CEP112: variants seen among roughly 807,000 people sequenced by gnomAD.
The protein encoded by CEP112 is centrosomal protein of 112 kDa.
Under a neutral mutation model 153.0 loss-of-function variants are expected in CEP112, and 127 were observed. The observed-to-expected ratio is 0.83, with a 90% CI of 0.72 to 0.96. CEP112 has a LOEUF of 0.96. Ranked by LOEUF, CEP112 falls within the 40% of genes least tolerant of loss-of-function variation. The pLI, the probability that CEP112 is intolerant of heterozygous loss-of-function variation, is 0.00. For missense variants in CEP112, 1,089 were observed against 1,101.2 expected (o/e 0.99, Z 0.16); for synonymous variants, 358 against 374.4 (o/e 0.96, Z 0.51).
intron 6 of CEP112, among the ~76,000 whole-genome samples, chr17:66,126,712 C>T (rs959234959): frequency 3.3e-5 from 5 of 152,004 alleles, no homozygotes; most frequent in African/African-American, 1.2e-4. Flanking sequence ...ATAAAGAATA[C>T]ATTTGGGAAT....
chr17:66,068,859 A>G (rs999618541), intron 9 of CEP112, among the ~76,000 whole-genome samples: 2 of 152,054 alleles, frequency 1.3e-5, no homozygotes, highest in Non-Finnish European at 2.9e-5. Flanking sequence ...TGTTATATTG[A>G]AATTATATTA....
chr17:65,871,006 C>T lies in CEP112; in HGVS notation c.2164-18972G>A, dbSNP rs73344884. On this transcript the variant is annotated intron_variant, in intron 20 of 26. Transcript: ENST00000535342. ...CTGTATTAGCTGCTCAACCCAAACA[C>T]GATACACACTAAGGTTGCAACCACC... Among the ~76,000 whole-genome samples the T allele has an allele frequency of 4.3e-3, 652 of 152,310 alleles. 3 individuals are homozygous for T. Among genetic ancestry groups the T allele is most frequent in the Middle Eastern group, 0.02 (6 of 294 alleles).
chr17:66,088,579 C>T (rs2068025855), intron 8 of CEP112, among the ~76,000 whole-genome samples: 1 of 152,122 alleles, frequency 6.6e-6, no homozygotes, highest in Non-Finnish European at 1.5e-5. Context: ...CCAGGTCAGC[C>T]AACACAACCC....
chr17:65,838,751 C>A (rs1228970884), intron 21 of CEP112, among the ~76,000 whole-genome samples: 1 of 151,666 alleles, frequency 6.6e-6, no homozygotes, highest in Non-Finnish European at 1.5e-5. Flanking sequence ...AAACCTTTAG[C>A]TAGACTAAAT....
At chr17:65,881,423 T>C (rs1313129151) in intron 20 of CEP112, among the ~76,000 whole-genome samples, 1 of 152,102 alleles carries the variant, frequency 6.6e-6, no homozygotes, top group East Asian at 1.9e-4. Flanking sequence ...TGTGTGTGTA[T>C]GCACATACAC....
chr17:65,690,580 G>A (rs979647514), intron 23 of CEP112, among the ~76,000 whole-genome samples: 1 of 152,118 alleles, frequency 6.6e-6, no homozygotes, highest in Non-Finnish European at 1.5e-5. Context: ...AGTGGTGTGA[G>A]GAAGAGGGGA....
chr17:65,749,302 T>C (rs919174856), intron 22 of CEP112, among the ~76,000 whole-genome samples: 3 of 151,374 alleles, frequency 2.0e-5, no homozygotes, highest in Non-Finnish European at 4.4e-5. Flanking sequence ...AGGTCAGGAG[T>C]TCAAGACCAG....
chr17:65,645,578 A>G (rs1191400994), intron 24 of CEP112, among the ~76,000 whole-genome samples: 1 of 152,198 alleles, frequency 6.6e-6, no homozygotes, highest in Non-Finnish European at 1.5e-5. Flanking sequence ...GTTGACTTAT[A>G]TCATCTTTAG....
intron 21 of CEP112, among the ~76,000 whole-genome samples, chr17:65,766,957 A>T (rs573756522): frequency 6.7e-6 from 1 of 149,706 alleles, no homozygotes; most frequent in South Asian, 2.2e-4. Context: ...AATAGTGGGG[A>T]CTTCAATATC....
At chr17:65,817,356 G>T (rs1049947789) in intron 21 of CEP112, among the ~76,000 whole-genome samples, 1 of 151,764 alleles carries the variant, frequency 6.6e-6, no homozygotes, top group Non-Finnish European at 1.5e-5. Flanking sequence ...TTCAAAACAG[G>T]TGCTAAAATA....
chr17:66,085,781 A>C (rs2067900728), intron 8 of CEP112, among the ~76,000 whole-genome samples: 1 of 152,138 alleles, frequency 6.6e-6, no homozygotes, highest in African/African-American at 2.4e-5. Context: ...GTTTGAGACC[A>C]GCCTGACCAA....
At chr17:65,692,693 A>C (rs1329862883) in intron 23 of CEP112, among the ~76,000 whole-genome samples, 1 of 152,128 alleles carries the variant, frequency 6.6e-6, no homozygotes, top group Non-Finnish European at 1.5e-5. Flanking sequence ...TACAAGAGCT[A>C]AGTATGGACT....
intron 18 of CEP112, among the ~76,000 whole-genome samples, chr17:65,938,437 G>GA (rs982410158): frequency 1.3e-4 from 18 of 138,694 alleles, no homozygotes; most frequent in African/African-American, 3.2e-4. Context: ...AAAAAAGAAA[G>GA]AAAAAAAAAT....
intron 23 of CEP112, among the ~76,000 whole-genome samples, chr17:65,696,259 G>T (rs1013569807): frequency 6.6e-6 from 1 of 152,126 alleles, no homozygotes; most frequent in Admixed American, 6.6e-5. Flanking sequence ...TGCTAATAGT[G>T]CCTGGCCTTT....
chr17:65,720,207 G>C (rs999955533), intron 23 of CEP112, among the ~76,000 whole-genome samples: 10 of 152,212 alleles, frequency 6.6e-5, no homozygotes, highest in African/African-American at 2.4e-4. Flanking sequence ...TTTGGACATG[G>C]AGAGTTTCAG....
intron 4 of CEP112, among the ~76,000 whole-genome samples, chr17:66,168,429 ATATG>A (rs1331023073): frequency 6.6e-6 from 1 of 150,500 alleles, no homozygotes; most frequent in Non-Finnish European, 1.5e-5. Flanking sequence ...GTGTGTATAT[ATATG>A]TATATATATG....
intron 23 of CEP112, among the ~76,000 whole-genome samples, chr17:65,695,119 T>A (rs994819760): frequency 2.0e-5 from 3 of 152,220 alleles, no homozygotes; most frequent in African/African-American, 7.2e-5. Flanking sequence ...GAGTGCTTTC[T>A]GCTGGTCGGG....
At chr17:65,972,481 A>C (rs538334761) in intron 17 of CEP112, among the ~76,000 whole-genome samples, 1 of 152,344 alleles carries the variant, frequency 6.6e-6, no homozygotes, top group East Asian at 1.9e-4. Flanking sequence ...TTTCACTTTA[A>C]AGAACAGTAA....
At chr17:66,130,525 C>T (rs1175360650) in intron 5 of CEP112, among the ~76,000 whole-genome samples, 1 of 152,046 alleles carries the variant, frequency 6.6e-6, no homozygotes, top group Admixed American at 6.5e-5. Context: ...CCTGTAATCC[C>T]AGCACTTTGG....
Sources: gnomAD v4.1 joint callset for allele counts (sites outside exome capture counted in the v4.1 genomes callset) on GRCh38, gnomAD v4.1.1 for gene constraint, MANE v1.5 for transcripts, NCBI Gene and HGNC (gene_info 2026-07-23, HGNC 2026-07-21) for gene names.